The following XDH variants were observed in gnomAD, a reference collection of about 807,000 sequenced individuals.
XDH encodes xanthine dehydrogenase/oxidase.
XDH carries 138 observed loss-of-function variants against 156.1 expected under a neutral mutation model. The ratio of observed to expected loss-of-function variants is 0.88; its 90% CI spans 0.77 to 1.02. The LOEUF (loss-of-function observed/expected upper bound fraction) is 1.02. Among genes scored for constraint, XDH ranks in the 50% least tolerant of loss-of-function variants. The probability of loss-of-function intolerance (pLI) is 0.00; values close to 1 mark genes in which losing one functional copy is unlikely to be tolerated. For synonymous variants in XDH, 669 were observed against 625.7 expected (o/e 1.07, Z -1.03); for missense variants, 1,849 against 1,684.9 (o/e 1.10, Z -1.71).
chr2:31,335,971 G>A lies in XDH; in HGVS notation c.3989C>T (p.Ser1330Phe). 1 of 1,614,218 alleles carries A rather than the reference G, an allele frequency of 6.2e-7. No homozygotes were observed. The highest frequency in any genetic ancestry group is 8.5e-7 in the Non-Finnish European group (1 of 1,180,044). The change falls in exon 36 of 36, where the codon TCT becomes TTT. Residue 1330 changes from serine (S) to phenylalanine (F), a missense_variant. By Grantham distance (155) the Ser-to-Phe change is radical. Coordinates refer to ENST00000379416, the MANE Select transcript of XDH (RefSeq NM_000379.4). ...TGVPENCKPW[S>F]VRV Reference sequence around the variant, plus strand: ...AGGACTCTCTCTTTAGACCCTCACAGACCAGGGTTTGCAGTTTTCTGGGAC... The same window carrying A: ...AGGACTCTCTCTTTAGACCCTCACAAACCAGGGTTTGCAGTTTTCTGGGAC...
At chr2:31,356,303 G>A (rs1218040367) in intron 24 of XDH, among the ~76,000 whole-genome samples, 3 of 152,086 alleles carry the variant, frequency 2.0e-5, no homozygotes, top group East Asian at 3.9e-4. Flanking sequence ...ACATGTGGTA[G>A]GAAAAAGAAA....
At chr2:31,411,855 C>G (rs1687351283) in intron 1 of XDH, among the ~76,000 whole-genome samples, 2 of 152,196 alleles carry the variant, frequency 1.3e-5, no homozygotes, top group African/African-American at 4.8e-5. Context: ...AATGCCTGAT[C>G]TTGGAGATCT....
chr2:31,399,504 G>T (rs895908598), intron 4 of XDH, among the ~76,000 whole-genome samples: 2 of 152,208 alleles, frequency 1.3e-5, no homozygotes, highest in African/African-American at 4.8e-5. Flanking sequence ...GCCAAAATAA[G>T]TTGATTAGGA....
chr2:31,347,428 G>T, intron 29 of XDH, 94 bp downstream of exon 29: 1 of 1,584,316 alleles, frequency 6.3e-7, no homozygotes, highest in Non-Finnish European at 8.6e-7. Flanking sequence ...CAAAGAGCCT[G>T]CAAGGAACCC....
intron 16 of XDH, 84 bp downstream of exon 16, chr2:31,373,789 A>T: frequency 7.4e-7 from 1 of 1,342,390 alleles, no homozygotes; most frequent in Non-Finnish European, 1.1e-6. Context: ...AATTCAAGTT[A>T]GTCATTAGCC....
chr2:31,346,066 G>A (rs1208114453), intron 30 of XDH, among the ~76,000 whole-genome samples: 1 of 152,182 alleles, frequency 6.6e-6, no homozygotes, highest in Non-Finnish European at 1.5e-5. Flanking sequence ...GCCGGTTTAT[G>A]TGCAGTCACA....
At chr2:31,339,703 T>G (rs764085553) in intron 33 of XDH, 26 bp from the exon 34 acceptor site, 7 of 1,612,604 alleles carry the variant, frequency 4.3e-6, no homozygotes, top group Non-Finnish European at 4.2e-6. Context: ...AGAGCACAGT[T>G]AGCCTGCCAC....
At chr2:31,345,932 C>T (rs1259419674) in intron 30 of XDH, among the ~76,000 whole-genome samples, 3 of 152,192 alleles carry the variant, frequency 2.0e-5, no homozygotes, top group Non-Finnish European at 4.4e-5. Context: ...CTACCAAAAT[C>T]AGGCTACTTT....
intron 15 of XDH, among the ~76,000 whole-genome samples, chr2:31,375,009 TTC>T (rs1686189882): frequency 1.8e-5 from 2 of 111,650 alleles, no homozygotes; most frequent in African/African-American, 9.5e-5. Flanking sequence ...CTTTCTTTCT[TTC>T]TTTCTTTCTT....
chr2:31,343,172 A>G (rs1430752023), intron 31 of XDH, among the ~76,000 whole-genome samples: 2 of 151,268 alleles, frequency 1.3e-5, no homozygotes, highest in African/African-American at 4.9e-5. Context: ...CCTTTATAAA[A>G]CCTTAGTTTC....
At chr2:31,406,087 T>G in intron 1 of XDH, 123 bp from the exon 2 acceptor site, 1 of 1,111,498 alleles carries the variant, frequency 9.0e-7, no homozygotes, top group Non-Finnish European at 1.3e-6. Flanking sequence ...TGATATAGTT[T>G]GCACTCTGCC....
chr2:31,399,204 A>G (rs1686991295), intron 4 of XDH, among the ~76,000 whole-genome samples: 1 of 152,228 alleles, frequency 6.6e-6, no homozygotes, highest in African/African-American at 2.4e-5. Context: ...TTAGGAAAAG[A>G]GTAGGGTTTT....
intron 3 of XDH, among the ~76,000 whole-genome samples, chr2:31,401,790 A>T (rs1389558236): frequency 6.6e-6 from 1 of 152,068 alleles, no homozygotes; most frequent in East Asian, 1.9e-4. Flanking sequence ...GGAAAGGGGG[A>T]GGAAACCCCC....
At chr2:31,400,373 G>A (rs1316628525) in intron 4 of XDH, among the ~76,000 whole-genome samples, 4 of 151,592 alleles carry the variant, frequency 2.6e-5, no homozygotes, top group Non-Finnish European at 5.9e-5. Context: ...TGAGTATCTG[G>A]GACTACAGGC....
chr2:31,396,537 A>T (rs1294341629), intron 6 of XDH, among the ~76,000 whole-genome samples: 3 of 152,232 alleles, frequency 2.0e-5, no homozygotes, highest in African/African-American at 7.2e-5. Context: ...CTTAATTTTT[A>T]TAAACACAGT....
At chr2:31,405,873 C>T (rs369749551) in intron 2 of XDH, 34 bp downstream of exon 2, 77 of 1,613,340 alleles carry the variant, frequency 4.8e-5, no homozygotes, top group Non-Finnish European at 5.9e-5. Flanking sequence ...CATTGCCCCC[C>T]TTCTCCGTCA....
At chr2:31,369,597 G>A (rs1185338417) in intron 18 of XDH, among the ~76,000 whole-genome samples, 1 of 152,110 alleles carries the variant, frequency 6.6e-6, no homozygotes, top group Non-Finnish European at 1.5e-5. Flanking sequence ...TCTGGCTGTT[G>A]GTTATTGCAA....
intron 8 of XDH, 97 bp downstream of exon 8, chr2:31,387,714 G>C: frequency 8.4e-7 from 1 of 1,192,038 alleles, no homozygotes; most frequent in Non-Finnish European, 1.2e-6. Flanking sequence ...TAAAGGACAA[G>C]AAAGACACAA....
chr2:31,339,055 C>A (rs957026195), intron 34 of XDH, among the ~76,000 whole-genome samples: 1 of 151,964 alleles, frequency 6.6e-6, no homozygotes, highest in Non-Finnish European at 1.5e-5. Context: ...GTATTGGCAA[C>A]TGAAGGAGGT....
Sources: gnomAD v4.1 joint callset for allele counts (sites outside exome capture counted in the v4.1 genomes callset) on GRCh38, gnomAD v4.1.1 for gene constraint, MANE v1.5 for transcripts, NCBI Gene and HGNC (gene_info 2026-07-23, HGNC 2026-07-21) for gene names.